The following L3MBTL4 variants were observed in gnomAD, a reference collection of about 807,000 sequenced individuals.
L3MBTL4 encodes the protein lethal(3)malignant brain tumor-like protein 4.
A neutral mutation model predicts 84.5 loss-of-function variants in L3MBTL4; 70 were observed. That is an observed-to-expected ratio of 0.83 (90% CI 0.68 to 1.01). The LOEUF is 1.01. Among genes scored for constraint, L3MBTL4 ranks in the 50% least tolerant of loss-of-function variants. The pLI is 0.00. For synonymous variants in L3MBTL4, 274 were observed against 259.8 expected, an observed-to-expected ratio of 1.05 and a Z score of -0.52; for missense variants, 715 against 754.8, an observed-to-expected ratio of 0.95 and a Z score of 0.62.
intron 14 of L3MBTL4, among the ~76,000 whole-genome samples, chr18:6,133,701 C>T (rs759510945): frequency 5.9e-5 from 9 of 152,062 alleles, no homozygotes; most frequent in Non-Finnish European, 1.2e-4. Context: ...GGTGGTTGTT[C>T]GACTGTCTCT....
intron 12 of L3MBTL4, among the ~76,000 whole-genome samples, chr18:6,206,654 A>T (rs542363880): frequency 3.3e-5 from 5 of 152,324 alleles, no homozygotes; most frequent in African/African-American, 1.2e-4. Flanking sequence ...GAGAATACAA[A>T]TACAGTGAGA....
chr18:6,264,897 G>C lies in L3MBTL4; in HGVS notation c.128-859C>G, dbSNP rs144225346. ...GCAAAACACAAGAGTTTTTTTCCTA[G>C]AATCCCACATCAAATTAAACACTGG... On this transcript the variant is annotated intron_variant, in intron 4 of 18. Coordinates refer to ENST00000317931, the MANE Select transcript of L3MBTL4 (RefSeq NM_001330559.2). 4.6e-3 allele frequency among the ~76,000 whole-genome samples: 694 copies of C among 152,280 alleles called. 9 individuals carry two copies. Among genetic ancestry groups the C allele is most frequent in the African/African-American group, 0.016 (678 of 41,552 alleles).
chr18:6,008,181 C>A (rs1004106144), intron 16 of L3MBTL4, among the ~76,000 whole-genome samples: 1 of 152,152 alleles, frequency 6.6e-6, no homozygotes, highest in South Asian at 2.1e-4. Flanking sequence ...TCTATCCTTG[C>A]AGAGTGAGAA....
chr18:6,100,131 T>G (rs1321626063), intron 14 of L3MBTL4, among the ~76,000 whole-genome samples: 4 of 152,222 alleles, frequency 2.6e-5, no homozygotes, highest in Non-Finnish European at 5.9e-5. Context: ...TCAACTCCTC[T>G]GTTTTTCATT....
intron 16 of L3MBTL4, among the ~76,000 whole-genome samples, chr18:5,990,876 G>A (rs543257460): frequency 1.3e-5 from 2 of 152,138 alleles, no homozygotes; most frequent in South Asian, 4.2e-4. Context: ...AGGGATGGTC[G>A]TGAAGATTAA....
chr18:6,075,389 C>T (rs1003622493), intron 16 of L3MBTL4, among the ~76,000 whole-genome samples: 3 of 151,914 alleles, frequency 2.0e-5, no homozygotes, highest in African/African-American at 7.3e-5. Context: ...AATGGTTACT[C>T]GATTTATGAC....
At chr18:5,967,244 G>C (rs2052398890) in intron 17 of L3MBTL4, among the ~76,000 whole-genome samples, 1 of 152,202 alleles carries the variant, frequency 6.6e-6, no homozygotes, top group African/African-American at 2.4e-5. Context: ...GAGCATGGTG[G>C]GCAGGAAGTC....
At chr18:6,023,124 G>A (rs930556138) in intron 16 of L3MBTL4, among the ~76,000 whole-genome samples, 3 of 152,206 alleles carry the variant, frequency 2.0e-5, no homozygotes, top group Admixed American at 1.3e-4. Context: ...CTCCCTGGGC[G>A]CTGTTTCCTG....
intron 1 of L3MBTL4, among the ~76,000 whole-genome samples, chr18:6,314,077 GATA>G (rs1289061508): frequency 6.8e-6 from 1 of 147,428 alleles, no homozygotes; most frequent in East Asian, 1.9e-4. Flanking sequence ...TAGATAGATA[GATA>G]GATAGTCTAA....
intron 14 of L3MBTL4, among the ~76,000 whole-genome samples, chr18:6,097,907 C>T (rs2058692751): frequency 6.6e-6 from 1 of 152,204 alleles, no homozygotes; most frequent in Non-Finnish European, 1.5e-5. Flanking sequence ...GGCTCCACTT[C>T]CCAGATGCCA....
At chr18:6,115,038 C>T (rs1346519747) in intron 14 of L3MBTL4, among the ~76,000 whole-genome samples, 3 of 151,946 alleles carry the variant, frequency 2.0e-5, no homozygotes, top group Admixed American at 6.6e-5. Context: ...AGTGAAGTGT[C>T]GGTGAGATTG....
chr18:6,055,707 C>A (rs772074393), intron 16 of L3MBTL4, among the ~76,000 whole-genome samples: 2 of 152,242 alleles, frequency 1.3e-5, no homozygotes, highest in South Asian at 2.1e-4. Context: ...AAAACCTCTG[C>A]AATTTAGCCA....
At chr18:6,075,980 A>G (rs2057844273) in intron 16 of L3MBTL4, among the ~76,000 whole-genome samples, 1 of 152,228 alleles carries the variant, frequency 6.6e-6, no homozygotes, top group Non-Finnish European at 1.5e-5. Flanking sequence ...AATGAAAGAG[A>G]CTGACAAATA....
At chr18:5,978,339 G>A (rs2053049567) in intron 16 of L3MBTL4, among the ~76,000 whole-genome samples, 1 of 152,168 alleles carries the variant, frequency 6.6e-6, no homozygotes, top group Non-Finnish European at 1.5e-5. Flanking sequence ...TCCAATACAA[G>A]ACCTCCATGC....
At chr18:6,250,491 A>C (rs1346671362) in intron 5 of L3MBTL4, among the ~76,000 whole-genome samples, 1 of 152,248 alleles carries the variant, frequency 6.6e-6, no homozygotes, top group African/African-American at 2.4e-5. Context: ...CTGGCAGAGC[A>C]TCAGCTAGGG....
intron 12 of L3MBTL4, among the ~76,000 whole-genome samples, chr18:6,192,608 G>C (rs1472800047): frequency 6.6e-6 from 1 of 152,114 alleles, no homozygotes; most frequent in African/African-American, 2.4e-5. Context: ...GGAAATTTTA[G>C]GAGAGGGAAA....
intron 4 of L3MBTL4, among the ~76,000 whole-genome samples, chr18:6,267,164 A>G (rs147561497): frequency 0.017 from 2,560 of 152,292 alleles, 36 homozygotes; most frequent in Non-Finnish European, 0.027. Context: ...GAAAAACATC[A>G]TATCAATTTA....
At chr18:6,117,169 A>G (rs2059385905) in intron 14 of L3MBTL4, among the ~76,000 whole-genome samples, 1 of 152,234 alleles carries the variant, frequency 6.6e-6, no homozygotes. Flanking sequence ...AGAATGGAAG[A>G]GACTGAGGGT....
At chr18:6,050,703 T>A (rs772739669) in intron 16 of L3MBTL4, among the ~76,000 whole-genome samples, 1 of 152,146 alleles carries the variant, frequency 6.6e-6, no homozygotes, top group Non-Finnish European at 1.5e-5. Flanking sequence ...CGTTTTTTAA[T>A]GAAATTTTTT....
Sources: gnomAD v4.1 joint callset for allele counts (sites outside exome capture counted in the v4.1 genomes callset) on GRCh38, gnomAD v4.1.1 for gene constraint, MANE v1.5 for transcripts, NCBI Gene and HGNC (gene_info 2026-07-23, HGNC 2026-07-21) for gene names.